SH3PXD2A: variants seen among roughly 807,000 people sequenced by gnomAD.
SH3PXD2A encodes SH3 and PX domains 2A, also known as SH3 and PX domain-containing protein 2A.
SH3PXD2A carries 32 observed loss-of-function variants against 115.2 expected under a neutral mutation model. The observed-to-expected ratio is 0.28, with a 90% CI of 0.21 to 0.37. The LOEUF (loss-of-function observed/expected upper bound fraction) is 0.37, where lower values mean the gene tolerates loss of function less well. Ranked by LOEUF, SH3PXD2A falls within the 10% of genes least tolerant of loss-of-function variation. The probability of loss-of-function intolerance (pLI) is 1.00; values close to 1 mark genes in which losing one functional copy is unlikely to be tolerated. For synonymous variants in SH3PXD2A, 610 were observed against 629.1 expected (o/e 0.97, Z 0.45); for missense variants, 1,328 against 1,498.7 (o/e 0.89, Z 1.88).
intron 10 of SH3PXD2A, among the ~76,000 whole-genome samples, chr10:103,621,219 T>C (rs2036598440): frequency 6.6e-6 from 1 of 152,170 alleles, no homozygotes; most frequent in Non-Finnish European, 1.5e-5. Flanking sequence ...CAAACCTTCA[T>C]CCGTGCCATG....
At chr10:103,720,903 G>C (rs1348457399) in intron 5 of SH3PXD2A, among the ~76,000 whole-genome samples, 1 of 152,324 alleles carries the variant, frequency 6.6e-6, no homozygotes. Context: ...GCCGGGCCCG[G>C]GGAGGGGGAG....
intron 5 of SH3PXD2A, among the ~76,000 whole-genome samples, chr10:103,703,206 CT>C (rs1291977317): frequency 6.6e-6 from 1 of 152,222 alleles, no homozygotes; most frequent in Non-Finnish European, 1.5e-5. Flanking sequence ...CCTAGCCCAC[CT>C]GCATGGCCCT....
At chr10:103,775,090 GGC>G (rs61102870) in intron 2 of SH3PXD2A, among the ~76,000 whole-genome samples, 227 of 152,324 alleles carry the variant, frequency 1.5e-3, no homozygotes, top group African/African-American at 5.2e-3. Flanking sequence ...TGTCCACCCT[GGC>G]AAGGAGTTGG....
At chr10:103,795,912 A>C (rs968315501) in intron 2 of SH3PXD2A, among the ~76,000 whole-genome samples, 4 of 104,948 alleles carry the variant, frequency 3.8e-5, no homozygotes, top group Non-Finnish European at 8.2e-5. Context: ...AAAAGGAAGG[A>C]AGGAAGGAAG....
intron 3 of SH3PXD2A, among the ~76,000 whole-genome samples, chr10:103,760,908 GATTT>G (rs2038693717): frequency 6.6e-6 from 1 of 152,126 alleles, no homozygotes; most frequent in African/African-American, 2.4e-5. Context: ...TTTGCAACAG[GATTT>G]ATTATATGCC....
chr10:103,631,181 G>C (rs7917825), intron 8 of SH3PXD2A, among the ~76,000 whole-genome samples: 6,699 of 152,200 alleles, frequency 0.044, 487 homozygotes, highest in African/African-American at 0.15. Context: ...GGGAGGATCA[G>C]TCGAGCCCAG....
intron 3 of SH3PXD2A, among the ~76,000 whole-genome samples, chr10:103,749,306 G>A (rs866545832): frequency 6.6e-6 from 1 of 152,200 alleles, no homozygotes; most frequent in Non-Finnish European, 1.5e-5. Context: ...AGGCCATCTT[G>A]TCCAGCCTCC....
Position 103,602,088 on chromosome 10 carries a change from G to T in SH3PXD2A, c.3130C>A (p.Pro1044Thr). ...CTGTTGCGCTGGGCGGGCAGTAGGG[G>T]TGAGTCTGAACCCTGGCTGGCAGCC... ...ERAASQGSDSPLLPAQRNSIP... is the reference protein window; with the variant it reads ...ERAASQGSDSTLLPAQRNSIP... Residue 1044 changes from proline (P) to threonine (T), a missense_variant, in exon 15 of 15, where the codon CCC becomes ACC. Physicochemically the swap from Pro to Thr is conservative, Grantham distance 38 (BLOSUM62 -1). Coordinates refer to ENST00000369774, the MANE Select transcript of SH3PXD2A (RefSeq NM_001394015.1). The T allele has an allele frequency of 6.3e-7, 1 of 1,599,566 alleles. No individual in the cohort carries two copies. The highest frequency in any genetic ancestry group is 1.1e-5 in the South Asian group (1 of 88,590).
At chr10:103,725,030 A>G (rs2038223656) in intron 4 of SH3PXD2A, among the ~76,000 whole-genome samples, 1 of 152,232 alleles carries the variant, frequency 6.6e-6, no homozygotes, top group African/African-American at 2.4e-5. Context: ...TGACAAGTTG[A>G]TAATTGCTGC....
At chr10:103,845,600 C>T (rs1463797219) in intron 1 of SH3PXD2A, among the ~76,000 whole-genome samples, 1 of 152,164 alleles carries the variant, frequency 6.6e-6, no homozygotes, top group Non-Finnish European at 1.5e-5. Flanking sequence ...AAATGGGTAA[C>T]CAGTGGCCCT....
chr10:103,663,976 T>G (rs2037349699), intron 7 of SH3PXD2A, among the ~76,000 whole-genome samples: 1 of 152,192 alleles, frequency 6.6e-6, no homozygotes, highest in Non-Finnish European at 1.5e-5. Flanking sequence ...AGCCGGGCAG[T>G]AGGGCCTGCC....
chr10:103,833,822 C>T (rs2039504645), intron 1 of SH3PXD2A, among the ~76,000 whole-genome samples: 1 of 152,182 alleles, frequency 6.6e-6, no homozygotes, highest in Admixed American at 6.5e-5. Context: ...AGTCCTATGA[C>T]CCTGTGTTTT....
At chr10:103,642,221 G>A (rs2036966365) in intron 8 of SH3PXD2A, among the ~76,000 whole-genome samples, 1 of 150,030 alleles carries the variant, frequency 6.7e-6, no homozygotes, top group African/African-American at 2.5e-5. Context: ...AATAAACAAC[G>A]AGGACCACTG....
intron 5 of SH3PXD2A, among the ~76,000 whole-genome samples, chr10:103,715,473 G>GGA (rs2038094797): frequency 6.6e-6 from 1 of 152,214 alleles, no homozygotes; most frequent in Non-Finnish European, 1.5e-5. Context: ...AGGCTGCTGT[G>GGA]GAGAGGTTCC....
chr10:103,686,262 C>T (rs974435796), intron 6 of SH3PXD2A, among the ~76,000 whole-genome samples: 1 of 152,234 alleles, frequency 6.6e-6, no homozygotes, highest in African/African-American at 2.4e-5. Context: ...GGAGCTTCCA[C>T]AGGACTCCTG....
chr10:103,693,789 G>A (rs961818277), intron 5 of SH3PXD2A, among the ~76,000 whole-genome samples: 1 of 152,138 alleles, frequency 6.6e-6, no homozygotes, highest in Non-Finnish European at 1.5e-5. Context: ...TAGTGGGGGG[G>A]ACAGAGGATA....
intron 8 of SH3PXD2A, among the ~76,000 whole-genome samples, chr10:103,648,682 T>C (rs957914641): frequency 2.6e-5 from 4 of 152,216 alleles, no homozygotes; most frequent in African/African-American, 9.6e-5. Context: ...TTCCATGACA[T>C]TCATCATATT....
chr10:103,599,777 A>G lies in SH3PXD2A; in HGVS notation c.*2039T>C, dbSNP rs185579028. 6.5e-6 allele frequency: 1 copy of G among 152,804 alleles called. No individual in the cohort carries two copies. Among genetic ancestry groups the G allele is most frequent in the East Asian group, 1.9e-4 (1 of 5,188 alleles). 9.5% of individuals were successfully genotyped at this position (152,804 alleles called of 1,614,324 possible). On this transcript the variant is annotated 3_prime_UTR_variant, in exon 15 of 15. Coordinates refer to ENST00000369774, the MANE Select transcript of SH3PXD2A (RefSeq NM_001394015.1). ...ACTACCATTAGTACTGCAATCTAGC[A>G]GATTAACTCAACATCCTGCTCTATT... is the stretch of plus-strand genomic sequence containing the variant.
intron 4 of SH3PXD2A, among the ~76,000 whole-genome samples, chr10:103,731,714 CT>C (rs2038321926): frequency 6.6e-6 from 1 of 152,204 alleles, no homozygotes. Flanking sequence ...CAACATTACT[CT>C]CCTCAAGGGG....
Sources: allele counts gnomAD v4.1 joint callset (sites outside exome capture counted in the v4.1 genomes callset), GRCh38; gene constraint gnomAD v4.1.1; transcripts MANE v1.5; gene names NCBI Gene and HGNC (gene_info 2026-07-23, HGNC 2026-07-21).